LRRFIP1: variants seen among roughly 807,000 people sequenced by gnomAD.
LRRFIP1 encodes leucine-rich repeat flightless-interacting protein 1.
In LRRFIP1, 62 loss-of-function variants were observed where a neutral mutation model predicts 104.4. The ratio of observed to expected loss-of-function variants is 0.59; its 90% CI spans 0.48 to 0.73. LRRFIP1 has a LOEUF of 0.73. Among genes scored for constraint, LRRFIP1 ranks in the 30% least tolerant of loss-of-function variants. The pLI, the probability that LRRFIP1 is intolerant of heterozygous loss-of-function variation, is 0.00. For missense variants in LRRFIP1, 796 were observed against 824.5 expected (o/e 0.97, Z 0.42); for synonymous variants, 300 against 299.0 (o/e 1.00, Z -0.03).
At chr2:237,695,090 G>C (rs994841510) in intron 1 of LRRFIP1, among the ~76,000 whole-genome samples, 5 of 152,208 alleles carry the variant, frequency 3.3e-5, no homozygotes, top group Non-Finnish European at 7.3e-5. Flanking sequence ...TGAGATGGTG[G>C]AGCGTGGAAT....
intron 6 of LRRFIP1, 118 bp downstream of exon 6, chr2:237,720,940 T>A: frequency 1.2e-6 from 1 of 864,474 alleles, no homozygotes; most frequent in Non-Finnish European, 1.9e-6. Flanking sequence ...AGTCAATATT[T>A]AACCGATGAG....
At chr2:237,665,942 T>G (rs1176056938) in intron 1 of LRRFIP1, among the ~76,000 whole-genome samples, 1 of 152,232 alleles carries the variant, frequency 6.6e-6, no homozygotes, top group Non-Finnish European at 1.5e-5. Flanking sequence ...AGTGATCCCT[T>G]AACCTGTGTG....
chr2:237,664,530 C>G (rs1231627853), intron 1 of LRRFIP1, among the ~76,000 whole-genome samples: 1 of 152,196 alleles, frequency 6.6e-6, no homozygotes, highest in Non-Finnish European at 1.5e-5. Flanking sequence ...AACTTCCTGG[C>G]AAGGAGTGCT....
rs376347969 is a variant in LRRFIP1 at position 237,670,414 on chromosome 2, T to G, written c.97-38130T>G. The stretch of plus-strand genomic sequence containing the variant: ...TGGAGGGGAAAATGTTTATTTGTTC[T>G]GTGAAAGCCAGGGGTGGGGTAGGAC... On this transcript the variant is annotated intron_variant, in intron 1 of 23. Coordinates refer to ENST00000308482, the MANE Select transcript of LRRFIP1 (RefSeq NM_001137550.2). 6.6e-5 allele frequency among the ~76,000 whole-genome samples: 10 copies of G among 152,196 alleles called. No homozygotes were observed. In the East Asian group the frequency reaches 1.5e-3, roughly 23 times the overall value.
intron 11 of LRRFIP1, among the ~76,000 whole-genome samples, chr2:237,747,210 T>C (rs2057989362): frequency 6.6e-6 from 1 of 152,212 alleles, no homozygotes; most frequent in Admixed American, 6.5e-5. Flanking sequence ...TTTTGTGGGA[T>C]TCCATTTGAT....
intron 1 of LRRFIP1, among the ~76,000 whole-genome samples, chr2:237,702,612 C>T (rs2093598812): frequency 6.6e-6 from 1 of 152,226 alleles, no homozygotes; most frequent in Non-Finnish European, 1.5e-5. Context: ...CTTCCAGCAG[C>T]AGAAAGCATG....
At chr2:237,698,331 T>C (rs1338371911) in intron 1 of LRRFIP1, among the ~76,000 whole-genome samples, 1 of 152,216 alleles carries the variant, frequency 6.6e-6, no homozygotes, top group Non-Finnish European at 1.5e-5. Flanking sequence ...ACCGAGTAAC[T>C]TATCCAGGCT....
At chr2:237,705,212 G>GA (rs1284263821) in intron 1 of LRRFIP1, among the ~76,000 whole-genome samples, 1 of 152,000 alleles carries the variant, frequency 6.6e-6, no homozygotes, top group Non-Finnish European at 1.5e-5. Flanking sequence ...AGGTGCCTGG[G>GA]ACCCCCCTCA....
At chr2:237,631,571 G>A (rs1000931533) in intron 1 of LRRFIP1, among the ~76,000 whole-genome samples, 1 of 152,204 alleles carries the variant, frequency 6.6e-6, no homozygotes, top group Non-Finnish European at 1.5e-5. Flanking sequence ...AAGCTCATTA[G>A]CACCAAAGGC....
chr2:237,751,254 G>A lies in LRRFIP1; in HGVS notation c.850G>A (p.Gly284Arg). 2 of 1,609,516 alleles carry A rather than the reference G, an allele frequency of 1.2e-6. No individual in the cohort carries two copies. Among genetic ancestry groups the A allele is most frequent in the South Asian group, 2.2e-5 (2 of 89,714 alleles). ...IQDVEGKYMQ[G>R]LKEMKDSLAE... ...GGATGTAGAAGGCAAATACATGCAGGGATTGAAAGAGATGAAGGTACCAAT... is the reference window on the plus strand; with the variant it reads ...GGATGTAGAAGGCAAATACATGCAGAGATTGAAAGAGATGAAGGTACCAAT... The change falls in exon 14 of 24, where the codon GGA becomes AGA. Residue 284 changes from glycine to arginine, a missense_variant. Physicochemically the swap from Gly to Arg is moderately radical, Grantham distance 125 (BLOSUM62 -2). Transcript: ENST00000308482.
intron 1 of LRRFIP1, among the ~76,000 whole-genome samples, chr2:237,678,472 G>A (rs2091420265): frequency 6.6e-6 from 1 of 152,042 alleles, no homozygotes; most frequent in Non-Finnish European, 1.5e-5. Flanking sequence ...GTGTGACTGG[G>A]TACATCAGAT....
chr2:237,763,908 A>G (rs1461623106), intron 19 of LRRFIP1: 8 of 1,614,248 alleles, frequency 5.0e-6, no homozygotes, highest in Non-Finnish European at 6.8e-6. Context: ...CCCGAACATG[A>G]AAGTCCCTCA....
chr2:237,666,216 G>T (rs1432502000), intron 1 of LRRFIP1, among the ~76,000 whole-genome samples: 3 of 152,238 alleles, frequency 2.0e-5, no homozygotes, highest in African/African-American at 7.2e-5. Flanking sequence ...TCTTGAGTCG[G>T]GCTCCATCCC....
rs577975129 is a variant in LRRFIP1 at position 237,695,027 on chromosome 2, T to C, written c.97-13517T>C. 3.9e-5 allele frequency among the ~76,000 whole-genome samples: 6 copies of C among 152,170 alleles called. 1 individual carries two copies. The highest frequency in any genetic ancestry group is 1.4e-4 in the African/African-American group (6 of 41,500). ...TGTGGGAGAGTGGAGTCTTGACCAATATGGGGATGAATCAGTTGGCACGAG... is the reference window on the plus strand; with the variant it reads ...TGTGGGAGAGTGGAGTCTTGACCAACATGGGGATGAATCAGTTGGCACGAG... On this transcript the variant is annotated intron_variant, in intron 1 of 23. Coordinates refer to ENST00000308482, the MANE Select transcript of LRRFIP1 (RefSeq NM_001137550.2).
At chr2:237,726,231 C>T (rs1052286133) in intron 7 of LRRFIP1, among the ~76,000 whole-genome samples, 3 of 152,274 alleles carry the variant, frequency 2.0e-5, no homozygotes, top group Admixed American at 6.5e-5. Context: ...GATTTCTACA[C>T]TCCTTTTGTT....
At chr2:237,702,981 T>C (rs1444153608) in intron 1 of LRRFIP1, among the ~76,000 whole-genome samples, 2 of 152,204 alleles carry the variant, frequency 1.3e-5, no homozygotes, top group Non-Finnish European at 2.9e-5. Flanking sequence ...AAAGATTGTA[T>C]GGGCAGAGAA....
chr2:237,632,786 C>T (rs931176574), intron 1 of LRRFIP1, among the ~76,000 whole-genome samples: 9 of 55,376 alleles, frequency 1.6e-4, no homozygotes, highest in African/African-American at 5.0e-4. Context: ...GGTGGAGAGT[C>T]CAGGACTGAG....
intron 11 of LRRFIP1, among the ~76,000 whole-genome samples, chr2:237,746,685 T>C (rs961645930): frequency 2.6e-5 from 4 of 152,156 alleles, no homozygotes; most frequent in African/African-American, 9.7e-5. Context: ...CTGCAGATGG[T>C]ATGGGCCACA....
intron 1 of LRRFIP1, among the ~76,000 whole-genome samples, chr2:237,652,444 G>T (rs1339891521): frequency 1.3e-5 from 2 of 152,174 alleles, no homozygotes; most frequent in Admixed American, 6.5e-5. Context: ...AGTGCCAAAT[G>T]GATATAAAGG....
Sources: allele counts gnomAD v4.1 joint callset (sites outside exome capture counted in the v4.1 genomes callset), GRCh38; gene constraint gnomAD v4.1.1; transcripts MANE v1.5; gene names NCBI Gene and HGNC (gene_info 2026-07-23, HGNC 2026-07-21).